SLC9A6: variants seen among roughly 807,000 people sequenced by gnomAD.
SLC9A6 encodes the protein solute carrier family 9 member A6, also known as sodium/hydrogen exchanger 6.
In SLC9A6, 6 loss-of-function variants were observed where a neutral mutation model predicts 45.3. The observed-to-expected ratio is 0.13, with a 90% CI of 0.07 to 0.26. SLC9A6 has a LOEUF of 0.26. Among genes scored for constraint, SLC9A6 ranks in the 10% least tolerant of loss-of-function variants. The pLI, the probability that SLC9A6 is intolerant of heterozygous loss-of-function variation, is 1.00. For missense variants in SLC9A6, 278 were observed against 503.7 expected (o/e 0.55, Z 4.29); for synonymous variants, 191 against 187.7 (o/e 1.02, Z -0.14).
chrX:136,026,004 G>A (rs6654311), intron 13 of SLC9A6, among the ~76,000 whole-genome samples: 8,248 of 111,319 alleles, frequency 0.074, 332 homozygotes, highest in African/African-American at 0.16. Flanking sequence ...AGACAAAAAC[G>A]TACCTACTCA....
intron 13 of SLC9A6, among the ~76,000 whole-genome samples, chrX:136,026,739 T>C (rs1348142072): frequency 4.5e-5 from 5 of 111,765 alleles, no homozygotes; most frequent in African/African-American, 9.8e-5. Flanking sequence ...TTTCACCATG[T>C]TGGCCAGGCT....
intron 7 of SLC9A6, among the ~76,000 whole-genome samples, chrX:136,009,426 T>C (rs2070876964): frequency 9.0e-6 from 1 of 111,708 alleles, no homozygotes; most frequent in Non-Finnish European, 1.9e-5. Context: ...AAAGAACTTG[T>C]ATATGGTATA....
intron 16 of SLC9A6, among the ~76,000 whole-genome samples, chrX:136,039,211 T>TA (rs1167347302): frequency 2.0e-5 from 2 of 100,787 alleles, no homozygotes; most frequent in African/African-American, 3.7e-5. Context: ...AAAAATCAAA[T>TA]AAAAAAAAAT....
At chrX:136,023,711 A>C (rs1393493481) in intron 12 of SLC9A6, among the ~76,000 whole-genome samples, 1 of 110,941 alleles carries the variant, frequency 9.0e-6, no homozygotes, top group Non-Finnish European at 1.9e-5. Flanking sequence ...TGATGAAACC[A>C]TTCTGTGTCT....
chrX:136,035,619 T>C (rs781872158), intron 16 of SLC9A6, among the ~76,000 whole-genome samples: 1 of 112,236 alleles, frequency 8.9e-6, no homozygotes, highest in South Asian at 3.7e-4. Flanking sequence ...TTCTAGCTTT[T>C]GGCTATTACA....
At chrX:136,021,796 G>A (rs1418089553) in intron 11 of SLC9A6, among the ~76,000 whole-genome samples, 1 of 111,784 alleles carries the variant, frequency 8.9e-6, no homozygotes, top group African/African-American at 3.3e-5. Flanking sequence ...CAAAATGCTG[G>A]GATTACAAGT....
chrX:136,013,082 A>T (rs367628797), intron 9 of SLC9A6, 28 bp downstream of exon 9: 18 of 1,058,867 alleles, frequency 1.7e-5, no homozygotes, highest in African/African-American at 3.7e-5. Flanking sequence ...TTTGATTGTC[A>T]ACCCTTAAAA....
At chrX:136,010,089 A>G (rs2148169050) in intron 7 of SLC9A6, 1 of 210,177 alleles carries the variant, frequency 4.8e-6, no homozygotes, top group Non-Finnish European at 8.6e-6. Context: ...TGTTCACATT[A>G]GTATGTTAAG....
chrX:136,035,374 A>C (rs1202252532), intron 16 of SLC9A6, among the ~76,000 whole-genome samples: 1 of 112,231 alleles, frequency 8.9e-6, no homozygotes, highest in Non-Finnish European at 1.9e-5. Flanking sequence ...TCTGACTTTC[A>C]TCAACATGGG....
intron 12 of SLC9A6, 29 bp downstream of exon 12, chrX:136,022,726 C>A: frequency 1.0e-6 from 1 of 953,761 alleles, no homozygotes; most frequent in Non-Finnish European, 1.5e-6. Flanking sequence ...CTCTTGCCCA[C>A]TTCAAGCAAC....
intron 7 of SLC9A6, 109 bp downstream of exon 7, chrX:136,002,322 T>C: frequency 1.7e-6 from 1 of 590,681 alleles, no homozygotes; most frequent in South Asian, 2.4e-5. Flanking sequence ...TTTGGAAGAA[T>C]GAGGCATTTT....
At chrX:135,982,972 T>A (rs2089293970), upstream of SLC9A6, among the ~76,000 whole-genome samples, 1 of 111,641 alleles carries the variant, frequency 9.0e-6, no homozygotes, top group East Asian at 2.8e-4. Flanking sequence ...CTCAGGATGA[T>A]GTCAGGCCTG....
chrX:136,030,457 G>A (rs1162921701), intron 15 of SLC9A6: 2 of 327,283 alleles, frequency 6.1e-6, no homozygotes, highest in Non-Finnish European at 5.4e-6. Context: ...GGGTTTTCGA[G>A]TGACTCCTCT....
At chrX:136,028,407 C>G (rs1556620765) in intron 13 of SLC9A6, among the ~76,000 whole-genome samples, 1 of 112,132 alleles carries the variant, frequency 8.9e-6, no homozygotes, top group Non-Finnish European at 1.9e-5. Context: ...GTTTCCCCCA[C>G]TAGTCTGTGA....
intron 1 of SLC9A6, among the ~76,000 whole-genome samples, chrX:135,979,443 A>G (rs996330204): frequency 1.8e-5 from 2 of 111,476 alleles, no homozygotes; most frequent in Non-Finnish European, 3.8e-5. Flanking sequence ...CCGTTCTTGG[A>G]TATCCTACCA....
At chrX:135,996,296 T>A (rs1556616494) in intron 3 of SLC9A6, among the ~76,000 whole-genome samples, 14 of 110,338 alleles carry the variant, frequency 1.3e-4, no homozygotes, top group Non-Finnish European at 3.8e-5. Flanking sequence ...CCTCCCAGAG[T>A]GCTAGGAGTA....
At chrX:136,002,565 C>CTT (rs782131320) in intron 7 of SLC9A6, among the ~76,000 whole-genome samples, 5 of 103,044 alleles carry the variant, frequency 4.9e-5, no homozygotes, top group Non-Finnish European at 2.0e-5. Context: ...TATTTTCTTT[C>CTT]TTTTTTTTTT....
chrX:135,998,758 A>T, intron 5 of SLC9A6, 98 bp from the exon 6 acceptor site: 1 of 688,690 alleles, frequency 1.5e-6, no homozygotes, highest in Non-Finnish European at 2.4e-6. Flanking sequence ...ATTTGGGATT[A>T]GTCACAAAGT....
chrX:136,025,687 A>C (rs781905323), intron 13 of SLC9A6, among the ~76,000 whole-genome samples: 1 of 112,188 alleles, frequency 8.9e-6, no homozygotes, highest in South Asian at 3.7e-4. Flanking sequence ...AGTACATTTT[A>C]CATATTTATC....
Sources: gnomAD v4.1 joint callset for allele counts (sites outside exome capture counted in the v4.1 genomes callset) on GRCh38, gnomAD v4.1.1 for gene constraint, MANE v1.5 for transcripts, NCBI Gene and HGNC (gene_info 2026-07-23, HGNC 2026-07-21) for gene names.